Variants in RAPGEF4 observed in about 807,000 individuals in gnomAD.
RAPGEF4 encodes the protein Rap guanine nucleotide exchange factor 4.
A neutral mutation model predicts 147.9 loss-of-function variants in RAPGEF4; 66 were observed. The ratio of observed to expected loss-of-function variants is 0.45; its 90% CI spans 0.37 to 0.55. RAPGEF4 has a LOEUF of 0.55. RAPGEF4 is among the 20% of genes least tolerant of loss of function. The pLI, the probability that RAPGEF4 is intolerant of heterozygous loss-of-function variation, is 0.00. For missense variants in RAPGEF4, 1,071 were observed against 1,257.3 expected (o/e 0.85, Z 2.24); for synonymous variants, 419 against 442.7 (o/e 0.95, Z 0.67).
intron 1 of RAPGEF4, among the ~76,000 whole-genome samples, chr2:172,754,875 T>G (rs1216225955): frequency 1.3e-5 from 2 of 152,106 alleles, no homozygotes; most frequent in African/African-American, 4.8e-5. Flanking sequence ...ACCCCATCTC[T>G]ACTAAAAAAT....
At position 172,901,323 on chromosome 2, in the gene RAPGEF4, A is replaced by T. The variant is rs1039260484; in HGVS notation, c.445-16479A>T. On this transcript the variant is annotated intron_variant, in intron 4 of 30. Coordinates refer to ENST00000397081, the MANE Select transcript of RAPGEF4 (RefSeq NM_007023.4). The stretch of plus-strand genomic sequence containing the variant: ...CCCTAGATTTTGATGAATTAAATTT[A>T]GGTTTTGTTTTTATTGGTATCAAGT... Among the ~76,000 whole-genome samples, 8 of 152,304 alleles carry T rather than the reference A, an allele frequency of 5.3e-5. No homozygotes were observed. The South Asian group carries it at 1.7e-3, about 32-fold the overall frequency.
chr2:172,950,907 A>C (rs1279882188), intron 6 of RAPGEF4, among the ~76,000 whole-genome samples: 1 of 152,272 alleles, frequency 6.6e-6, no homozygotes, highest in African/African-American at 2.4e-5. Flanking sequence ...TTATGGATCC[A>C]TAGGGTTCTA....
chr2:172,841,258 A>T (rs888791068), intron 4 of RAPGEF4, among the ~76,000 whole-genome samples: 1 of 152,262 alleles, frequency 6.6e-6, no homozygotes, highest in Admixed American at 6.5e-5. Flanking sequence ...CTGGTTCTTG[A>T]AAAGAGCCTA....
chr2:172,917,872 A>C lies in RAPGEF4; in HGVS notation c.515A>C (p.Asp172Ala), dbSNP rs894067190. 1.2e-6 allele frequency: 2 copies of C among 1,612,322 alleles called. No homozygotes were observed. The highest frequency in any genetic ancestry group is 1.7e-6 in the Non-Finnish European group (2 of 1,178,554). The change falls in exon 5 of 31, where the codon GAC becomes GCC. Residue 172 changes from aspartate to alanine, a missense_variant and splice_region_variant. Asp to Ala is a moderately radical substitution (Grantham distance 126). Coordinates refer to ENST00000397081, the MANE Select transcript of RAPGEF4 (RefSeq NM_007023.4). ...GTTATGGAAACGGGCTCTAACAATGACAGTAAGTGGAAAATGTGAACATTT... is the reference window on the plus strand; with the variant it reads ...GTTATGGAAACGGGCTCTAACAATGCCAGTAAGTGGAAAATGTGAACATTT... ...YGVMETGSNN[D>A]RIPDKENTPL... is the part of the protein sequence containing the mutation.
chr2:172,781,796 G>A (rs1370448245), intron 1 of RAPGEF4, among the ~76,000 whole-genome samples: 2 of 152,154 alleles, frequency 1.3e-5, no homozygotes, highest in Non-Finnish European at 2.9e-5. Context: ...CATACCCTCT[G>A]TAGATTACTT....
chr2:172,966,337 A>T (rs1021530924), intron 9 of RAPGEF4, among the ~76,000 whole-genome samples: 1 of 152,194 alleles, frequency 6.6e-6, no homozygotes. Context: ...GAATCTAGTA[A>T]TGGTTTTGCC....
At chr2:173,012,948 G>A (rs1335037162) in intron 17 of RAPGEF4, among the ~76,000 whole-genome samples, 1 of 152,196 alleles carries the variant, frequency 6.6e-6, no homozygotes, top group Non-Finnish European at 1.5e-5. Context: ...AGACCAAAGA[G>A]TTAATCAGAA....
At chr2:172,802,692 G>GC (rs1687098352) in intron 3 of RAPGEF4, among the ~76,000 whole-genome samples, 1 of 152,154 alleles carries the variant, frequency 6.6e-6, no homozygotes, top group African/African-American at 2.4e-5. Context: ...ATTCATTTCA[G>GC]CATCAACTCA....
chr2:172,938,018 A>G (rs929190527), intron 6 of RAPGEF4, among the ~76,000 whole-genome samples: 1 of 152,086 alleles, frequency 6.6e-6, no homozygotes, highest in Non-Finnish European at 1.5e-5. Context: ...AACTAGTTGC[A>G]TATATATTCT....
intron 4 of RAPGEF4, among the ~76,000 whole-genome samples, chr2:172,827,274 A>T (rs1178817572): frequency 1.3e-5 from 2 of 152,156 alleles, no homozygotes; most frequent in Non-Finnish European, 2.9e-5. Flanking sequence ...ATTTTAGCAC[A>T]GTTGGGAATC....
chr2:172,965,666 A>T lies in RAPGEF4; in HGVS notation c.803A>T (p.Asp268Val), dbSNP rs1251916653. 6.2e-7 allele frequency: 1 copy of T among 1,614,148 alleles called. No homozygotes were observed. The highest frequency in any genetic ancestry group is 1.7e-5 in the Admixed American group (1 of 60,022). Reference protein sequence around the residue: ...AVGMWQVLLEDGVLNHVDQEH... With the variant: ...AVGMWQVLLEVGVLNHVDQEH... ...GGCATGTGGCAAGTCCTGTTAGAAG[A>T]TGGTGTTCTCAACCACGGTAAGATG... The change falls in exon 9 of 31, where the codon GAT becomes GTT. Residue 268 changes from aspartate to valine, a missense_variant. Physicochemically the swap from Asp to Val is radical, Grantham distance 152. Coordinates refer to ENST00000397081, the MANE Select transcript of RAPGEF4 (RefSeq NM_007023.4).
At chr2:172,847,395 G>A (rs1054648261) in intron 4 of RAPGEF4, among the ~76,000 whole-genome samples, 2 of 152,218 alleles carry the variant, frequency 1.3e-5, no homozygotes, top group Non-Finnish European at 2.9e-5. Flanking sequence ...GATGGTGACA[G>A]CATGGCTTCC....
intron 4 of RAPGEF4, among the ~76,000 whole-genome samples, chr2:172,900,107 G>A (rs1224618662): frequency 6.6e-6 from 1 of 152,214 alleles, no homozygotes; most frequent in Non-Finnish European, 1.5e-5. Context: ...GAGAGGCAGA[G>A]GCAGAATGGA....
chr2:173,018,526 A>G, intron 21 of RAPGEF4, 130 bp from the exon 22 acceptor site: 2 of 947,992 alleles, frequency 2.1e-6, no homozygotes, highest in Admixed American at 2.5e-5. Flanking sequence ...GTAAATGAGT[A>G]TGAATAAATA....
intron 4 of RAPGEF4, among the ~76,000 whole-genome samples, chr2:172,839,593 C>G (rs540059148): frequency 6.6e-6 from 1 of 152,032 alleles, no homozygotes; most frequent in South Asian, 2.1e-4. Context: ...ATCAACAAGG[C>G]CTTTATGACC....
intron 10 of RAPGEF4, 24 bp downstream of exon 10, chr2:172,967,468 C>A: frequency 6.3e-7 from 1 of 1,599,708 alleles, no homozygotes; most frequent in South Asian, 1.1e-5. Flanking sequence ...CGTGGCTCAC[C>A]CCTCCAGGTC....
chr2:172,981,551 C>T (rs1373589247), intron 10 of RAPGEF4, among the ~76,000 whole-genome samples: 1 of 152,184 alleles, frequency 6.6e-6, no homozygotes, highest in African/African-American at 2.4e-5. Context: ...TCAGTGGTGA[C>T]CTTTAGCAGG....
At position 173,051,856 on chromosome 2, in the gene RAPGEF4, A is replaced by G; in HGVS notation, c.*89A>G. 6.7e-7 allele frequency: 1 copy of G among 1,482,320 alleles called. No individual in the cohort carries two copies. The highest frequency in any genetic ancestry group is 9.2e-7 in the Non-Finnish European group (1 of 1,081,094). The allele number at this position is 1,482,320 out of a possible 1,614,324, so 91.8% of individuals were successfully genotyped here. A position where few individuals can be genotyped will look rare whatever the true frequency, so the allele number is the denominator to read the frequency against. ...TGCTACTACTGACTGTATTGCCACT[A>G]GAGAATTCTACAAAACAAGCAAAAA... On this transcript the variant is annotated 3_prime_UTR_variant, in exon 31 of 31. Transcript: ENST00000397081.
intron 3 of RAPGEF4, among the ~76,000 whole-genome samples, chr2:172,797,877 A>T (rs571929021): frequency 6.6e-6 from 1 of 152,208 alleles, no homozygotes; most frequent in East Asian, 1.9e-4. Context: ...CTTGAGGTCT[A>T]TTTGGAAATG....
Sources: allele counts gnomAD v4.1 joint callset (sites outside exome capture counted in the v4.1 genomes callset), GRCh38; gene constraint gnomAD v4.1.1; transcripts MANE v1.5; gene names NCBI Gene and HGNC (gene_info 2026-07-23, HGNC 2026-07-21).